DLGAP2: variants seen among roughly 807,000 people sequenced by gnomAD.
DLGAP2 encodes the protein disks large-associated protein 2.
A neutral mutation model predicts 100.3 loss-of-function variants in DLGAP2; 26 were observed. The ratio of observed to expected loss-of-function variants is 0.26; its 90% CI spans 0.19 to 0.36. DLGAP2 has a LOEUF of 0.36. DLGAP2 is among the 10% of genes least tolerant of loss of function. DLGAP2 has a pLI of 1.00. For missense variants in DLGAP2, 1,858 were observed against 1,453.2 expected (o/e 1.28, Z -4.53); for synonymous variants, 886 against 630.1 (o/e 1.41, Z -6.08).
intron 3 of DLGAP2, among the ~76,000 whole-genome samples, chr8:1,498,064 A>C (rs75317372): frequency 7.1e-4 from 108 of 152,318 alleles, no homozygotes; most frequent in Non-Finnish European, 1.4e-3. Context: ...AAGGCAGGAC[A>C]ACTGGAAGTG....
At chr8:1,075,988 G>A (rs984578716) in intron 2 of DLGAP2, among the ~76,000 whole-genome samples, 1 of 152,174 alleles carries the variant, frequency 6.6e-6, no homozygotes, top group African/African-American at 2.4e-5. Context: ...ATTCTATGGG[G>A]TTTTTCCAGA....
chr8:1,622,353 T>G (rs1028645916), intron 6 of DLGAP2: 1 of 152,256 alleles, frequency 6.6e-6, no homozygotes, highest in Non-Finnish European at 1.5e-5. Flanking sequence ...GAATCCTTAC[T>G]GCTTTCCAAG....
intron 2 of DLGAP2, among the ~76,000 whole-genome samples, chr8:1,066,979 C>G (rs1011687145): frequency 1.3e-5 from 2 of 152,210 alleles, no homozygotes; most frequent in Non-Finnish European, 2.9e-5. Context: ...CATCCCCAGC[C>G]CAAGCTGCCT....
chr8:1,675,353 G>C (rs4875886), intron 10 of DLGAP2, among the ~76,000 whole-genome samples: 105,216 of 152,166 alleles, frequency 0.69, 38,068 homozygotes, highest in African/African-American at 0.91. Context: ...CCTCTGATCC[G>C]CCAGCTCTCT....
intron 1 of DLGAP2, among the ~76,000 whole-genome samples, chr8:756,335 C>T (rs183166178): frequency 1.2e-3 from 177 of 152,160 alleles, no homozygotes; most frequent in African/African-American, 4.0e-3. Context: ...ACGGCAAAGA[C>T]GATGTCGTTG....
intron 3 of DLGAP2, among the ~76,000 whole-genome samples, chr8:1,294,020 G>T (rs1800116028): frequency 6.6e-6 from 1 of 152,186 alleles, no homozygotes; most frequent in Admixed American, 6.5e-5. Context: ...CGTGAAGGTG[G>T]CTCGCTGCCA....
chr8:1,531,241 CGT>C (rs58738870), intron 4 of DLGAP2, among the ~76,000 whole-genome samples: 2,226 of 143,250 alleles, frequency 0.016, 66 homozygotes, highest in African/African-American at 0.05. Context: ...AGAGCGTGTG[CGT>C]GTGTGTGTGT....
At chr8:913,480 A>G (rs1278602874) in intron 2 of DLGAP2, among the ~76,000 whole-genome samples, 2 of 152,228 alleles carry the variant, frequency 1.3e-5, no homozygotes, top group East Asian at 3.8e-4. Context: ...ATATGTTGAA[A>G]TGAGTCTTGA....
At chr8:1,641,505 A>C (rs758904254) in intron 8 of DLGAP2, among the ~76,000 whole-genome samples, 2 of 152,196 alleles carry the variant, frequency 1.3e-5, no homozygotes, top group Non-Finnish European at 2.9e-5. Context: ...TAGACGAATT[A>C]ATCATAATAC....
intron 2 of DLGAP2, chr8:1,105,167 T>A (rs1407891405): frequency 6.6e-6 from 1 of 152,280 alleles, no homozygotes; most frequent in African/African-American, 2.4e-5. Flanking sequence ...GGAGTGATGA[T>A]GTGTCATTGA....
chr8:1,481,676 C>G (rs1213071618), intron 3 of DLGAP2, among the ~76,000 whole-genome samples: 2 of 151,784 alleles, frequency 1.3e-5, no homozygotes, highest in Non-Finnish European at 2.9e-5. Flanking sequence ...CGGGGTTTCA[C>G]CTTGTTGGCC....
chr8:998,184 A>C (rs1482878647), intron 2 of DLGAP2, among the ~76,000 whole-genome samples: 1 of 152,266 alleles, frequency 6.6e-6, no homozygotes, highest in Admixed American at 6.5e-5. Flanking sequence ...ACAAATGTGC[A>C]TGCACACATA....
chr8:1,182,511 G>T (rs1221401800), intron 2 of DLGAP2, among the ~76,000 whole-genome samples: 1 of 152,230 alleles, frequency 6.6e-6, no homozygotes, highest in Non-Finnish European at 1.5e-5. Flanking sequence ...AAATGAGCGT[G>T]CATTTAATGC....
chr8:1,585,457 G>GA (rs200843382), intron 6 of DLGAP2, among the ~76,000 whole-genome samples: 19 of 151,296 alleles, frequency 1.3e-4, no homozygotes, highest in Admixed American at 8.5e-4. Flanking sequence ...GACCGAAAAA[G>GA]AAAAAAAAAT....
intron 3 of DLGAP2, among the ~76,000 whole-genome samples, chr8:1,341,541 C>G (rs1381099240): frequency 6.6e-6 from 1 of 152,122 alleles, no homozygotes; most frequent in Non-Finnish European, 1.5e-5. Context: ...GAAGCCATGT[C>G]TCAAAAAAAT....
chr8:1,418,869 C>T (rs1176811993), intron 3 of DLGAP2, among the ~76,000 whole-genome samples: 1 of 152,222 alleles, frequency 6.6e-6, no homozygotes, highest in Non-Finnish European at 1.5e-5. Flanking sequence ...GGCCCGCTGG[C>T]TAGAGATCAT....
chr8:1,453,044 G>A (rs1041508411), intron 3 of DLGAP2, among the ~76,000 whole-genome samples: 1 of 152,316 alleles, frequency 6.6e-6, no homozygotes, highest in East Asian at 1.9e-4. Context: ...TGAAGGGTTA[G>A]ACATTTCTCT....
chr8:1,070,172 C>T (rs1187203026), intron 2 of DLGAP2, among the ~76,000 whole-genome samples: 1 of 152,200 alleles, frequency 6.6e-6, no homozygotes, highest in Non-Finnish European at 1.5e-5. Context: ...TCTTTGACTT[C>T]AGCTGATTTG....
chr8:942,680 G>C (rs1040318361), intron 2 of DLGAP2, among the ~76,000 whole-genome samples: 1 of 152,250 alleles, frequency 6.6e-6, no homozygotes, highest in African/African-American at 2.4e-5. Context: ...CAGTGAGGCA[G>C]AGTCATGTTA....
Sources: gnomAD v4.1 joint callset for allele counts (sites outside exome capture counted in the v4.1 genomes callset) on GRCh38, gnomAD v4.1.1 for gene constraint, MANE v1.5 for transcripts, NCBI Gene and HGNC (gene_info 2026-07-23, HGNC 2026-07-21) for gene names.